The following ACAP1 variants were observed in gnomAD, a reference collection of about 807,000 sequenced individuals.
The protein encoded by ACAP1 is arf-GAP with coiled-coil, ANK repeat and PH domain-containing protein 1.
Under a neutral mutation model 98.8 loss-of-function variants are expected in ACAP1, and 45 were observed. The ratio of observed to expected loss-of-function variants is 0.46; its 90% CI spans 0.36 to 0.58. ACAP1 has a LOEUF of 0.58. ACAP1 is among the 20% of genes least tolerant of loss of function. The pLI is 0.00. For synonymous variants in ACAP1, 362 were observed against 375.3 expected, an observed-to-expected ratio of 0.96 and a Z score of 0.41; for missense variants, 735 against 971.4, an observed-to-expected ratio of 0.76 and a Z score of 3.24.
chr17:7,342,206 C>T, intron 3 of ACAP1, 69 bp from the exon 4 acceptor site: 2 of 1,608,462 alleles, frequency 1.2e-6, no homozygotes, highest in Non-Finnish European at 1.7e-6. Flanking sequence ...CCGTAGCAGG[C>T]TGGGTCTCGA....
At position 7,346,268 on chromosome 17, in the gene ACAP1, C is replaced by G; in HGVS notation, c.879C>G (p.Asn293Lys). The G allele has an allele frequency of 1.9e-6, 3 of 1,614,200 alleles. No homozygotes were observed. The highest frequency in any genetic ancestry group is 2.5e-6 in the Non-Finnish European group (3 of 1,180,032). Residue 293 changes from asparagine to lysine, a missense_variant, in exon 11 of 22, where the codon AAC (asparagine) becomes AAG (lysine). By Grantham distance (94) the Asn-to-Lys change is moderately conservative. Transcript: ENST00000158762. ...GACGCTGGTTCACCATTCAGAGCAACCAACTGGTTTACCAGAAGAAGTACA... is the reference window on the plus strand; with the variant it reads ...GACGCTGGTTCACCATTCAGAGCAAGCAACTGGTTTACCAGAAGAAGTACA... ...WSRRWFTIQS[N>K]QLVYQKKYKD...
In ACAP1 at chr17:7,343,088, A is replaced by G. The variant is rs974268661; in HGVS notation, c.345-291A>G. 2 of 334,142 alleles carry G rather than the reference A, an allele frequency of 6.0e-6. No individual in the cohort carries two copies. Among genetic ancestry groups the G allele is most frequent in the Non-Finnish European group, 1.1e-5 (2 of 182,426 alleles). The allele number at this position is 334,142 out of a possible 1,614,324, so 20.7% of individuals were successfully genotyped here. ...GAGCAAGACCCGGTCTCAAAAACAA[A>G]AACAACAACAACAACAAAAATTTTT... is the stretch of plus-strand genomic sequence containing the variant. On this transcript the variant is annotated intron_variant, in intron 5 of 21. Transcript: ENST00000158762. The surrounding 1 kb of genome is among the most constrained non-coding windows in gnomAD (Gnocchi z 4.9).
At chr17:7,349,735 C>A in intron 18 of ACAP1, 1 of 491,170 alleles carries the variant, frequency 2.0e-6, no homozygotes, top group Non-Finnish European at 3.6e-6. Flanking sequence ...AGTAACATAC[C>A]TCAAAAGCTT....
chr17:7,344,105 C>G lies in ACAP1; in HGVS notation c.726C>G (p.His242Gln). 1 of 1,580,874 alleles carries G rather than the reference C, an allele frequency of 6.3e-7. No individual in the cohort carries two copies. Among genetic ancestry groups the G allele is most frequent in the Non-Finnish European group, 8.6e-7 (1 of 1,162,888 alleles). ...AREKRDMEQR[H>Q]VLLKQKELGG... ...AGAAGAGGGACATGGAGCAGAGACA[C>G]GTGCTGCTGAAACAGAAGGTGAGGG... The change falls in exon 9 of 22, where the codon CAC becomes CAG. Residue 242 changes from histidine to glutamine, a missense_variant. Around this residue, in one of 5 missense-constraint regions of ACAP1, gnomAD observed 430 missense variants for 531.8 expected, o/e 0.81. Transcript: ENST00000158762. This position sits in a 1 kb window ranked among gnomAD's most constrained non-coding sequence, Gnocchi z 4.9.
rs569044211 is a variant in ACAP1 at position 7,350,254 on chromosome 17, G to A, written c.2072+17G>A. The A allele has an allele frequency of 2.5e-6, 4 of 1,607,774 alleles. No homozygotes were observed. The South Asian group carries it at 3.3e-5, about 13-fold the overall frequency. ...CGTCACCCTGTAAGAATGCCTGAAGGGGCGGGGCTGGCGCTGGGACTCCCC... is the reference window on the plus strand; with the variant it reads ...CGTCACCCTGTAAGAATGCCTGAAGAGGCGGGGCTGGCGCTGGGACTCCCC... On this transcript the variant is annotated intron_variant, in intron 20 of 21. Transcript: ENST00000158762. This position sits in a 1 kb window ranked among gnomAD's most constrained non-coding sequence, Gnocchi z 4.6.
In ACAP1 at chr17:7,347,802, C is replaced by T. The variant is rs2073361549; in HGVS notation, c.1344-120C>T. Reference sequence around the variant, plus strand: ...GCCGCAGCTGCCCTGCCTCCTGGGCCAGCACCTCTGCACGGGCCCCCATGC... The same window carrying T: ...GCCGCAGCTGCCCTGCCTCCTGGGCTAGCACCTCTGCACGGGCCCCCATGC... On this transcript the variant is annotated intron_variant, in intron 14 of 21. Transcript: ENST00000158762. 1.4e-5 allele frequency: 11 copies of T among 794,240 alleles called. No individual in the cohort carries two copies. In the Admixed American group the frequency reaches 2.0e-4, roughly 15 times the overall value. 49.2% of individuals were successfully genotyped at this position (794,240 alleles called of 1,614,324 possible).
chr17:7,336,634 C>T lies in ACAP1; in HGVS notation c.-101C>T, dbSNP rs2073221767. 1 of 1,303,506 alleles carries T rather than the reference C, an allele frequency of 7.7e-7. No individual in the cohort carries two copies. The allele number at this position is 1,303,506 out of a possible 1,614,324, so 80.7% of individuals were successfully genotyped here. ...CTTCCCCGCGGAGGTCCCTCTCCTC[C>T]TTCCCCCTCATCTCCCCTTCCTGGG... On this transcript the variant is annotated 5_prime_UTR_variant, in exon 1 of 22. Transcript: ENST00000158762.
chr17:7,349,702 C>A, intron 18 of ACAP1: 1 of 466,788 alleles, frequency 2.1e-6, no homozygotes, highest in Non-Finnish European at 3.8e-6. Context: ...AAGTTATTAA[C>A]CTCTCAGCCT....
intron 2 of ACAP1, 111 bp from the exon 3 acceptor site, chr17:7,341,837 G>C: frequency 6.6e-7 from 1 of 1,515,292 alleles, no homozygotes; most frequent in Non-Finnish European, 9.0e-7. Context: ...GGCCAGGCAG[G>C]AATAGGGGAG....
At chr17:7,338,923 C>T (rs1213084597) in intron 2 of ACAP1, among the ~76,000 whole-genome samples, 4 of 152,086 alleles carry the variant, frequency 2.6e-5, no homozygotes, top group African/African-American at 9.6e-5. Context: ...CACCCAGCTT[C>T]CCCCAGTGGT....
Position 7,336,729 on chromosome 17 carries a change from G to A in ACAP1, c.-6G>A, listed in dbSNP as rs773157758. ...GGCCCGCTGGCCCCACAGCAGGCAAGCTGAGATGACGGTCAAGCTGGATTT... is the reference window on the plus strand; with the variant it reads ...GGCCCGCTGGCCCCACAGCAGGCAAACTGAGATGACGGTCAAGCTGGATTT... On this transcript the variant is annotated 5_prime_UTR_variant, in exon 1 of 22. Transcript: ENST00000158762. 4 of 1,613,872 alleles carry A rather than the reference G, an allele frequency of 2.5e-6. No homozygotes were observed. Among genetic ancestry groups the A allele is most frequent in the Non-Finnish European group, 3.4e-6 (4 of 1,179,836 alleles).
Position 7,348,224 on chromosome 17 carries a change from G to A in ACAP1, c.1508+3G>A, listed in dbSNP as rs1048170618. 6.2e-7 allele frequency: 1 copy of A among 1,613,380 alleles called. No individual in the cohort carries two copies. The highest frequency in any genetic ancestry group is 8.5e-7 in the Non-Finnish European group (1 of 1,179,642). On this transcript the variant is annotated splice_donor_region_variant and intron_variant, in intron 16 of 21. Transcript: ENST00000158762. ...AAACCAGGGCCCAGCTGCTCCCGGT[G>A]AGCTTGGGGTTTAGCCTCCCAGGGG...
rs1352717190 is a variant in ACAP1, at chr17:7,344,536, C to T, written c.745-3C>T. The T allele has an allele frequency of 6.5e-7, 1 of 1,550,300 alleles. No homozygotes were observed. Among genetic ancestry groups the T allele is most frequent in the Non-Finnish European group, 8.7e-7 (1 of 1,146,402 alleles). On this transcript the variant is annotated splice_region_variant and splice_polypyrimidine_tract_variant and intron_variant, in intron 9 of 21. Coordinates refer to ENST00000158762, the MANE Select transcript of ACAP1 (RefSeq NM_014716.4). The surrounding 1 kb of genome is among the most constrained non-coding windows in gnomAD (Gnocchi z 4.9). ...TTGCCCTTTGATCCTCTTGTGCCTC[C>T]AGGAGCTGGGTGGGGAGGAGCCAGA...
At chr17:7,351,113 T>TG in intron 21 of ACAP1, 114 bp downstream of exon 21, 1 of 1,224,454 alleles carries the variant, frequency 8.2e-7, no homozygotes, top group East Asian at 2.4e-5. Flanking sequence ...ATTTAACAAA[T>TG]GCGTATTGGG....
At chr17:7,340,228 C>T (rs1011844512) in intron 2 of ACAP1, among the ~76,000 whole-genome samples, 1 of 151,894 alleles carries the variant, frequency 6.6e-6, no homozygotes, top group African/African-American at 2.4e-5. Context: ...GCTATGATCC[C>T]ACCACTGCAC....
Position 7,350,236 on chromosome 17 carries a change from C to G in ACAP1, c.2071C>G (p.Leu691Val). Residue 691 changes from leucine (L) to valine (V), a missense_variant and splice_region_variant, in exon 20 of 22, where the codon CTG (leucine) becomes GTG (valine). By Grantham distance (32) the Leu-to-Val change is conservative (BLOSUM62 1). This residue lies in a region of ACAP1 where 142 missense variants were observed against 224.1 expected (regional missense o/e 0.63). Transcript: ENST00000158762. This position sits in a 1 kb window ranked among gnomAD's most constrained non-coding sequence, Gnocchi z 4.6. Reference sequence around the variant, plus strand: ...AACAGCCAACGCTGACATCGTCACCCTGTAAGAATGCCTGAAGGGGCGGGG... The same window carrying G: ...AACAGCCAACGCTGACATCGTCACCGTGTAAGAATGCCTGAAGGGGCGGGG... ...METANADIVT[L>V]LRLAKMREAE... The G allele has an allele frequency of 6.2e-7, 1 of 1,613,488 alleles. No individual in the cohort carries two copies. Among genetic ancestry groups the G allele is most frequent in the African/African-American group, 1.3e-5 (1 of 75,040 alleles).
intron 18 of ACAP1, chr17:7,349,664 T>C (rs1006785474): frequency 5.2e-6 from 2 of 384,956 alleles, no homozygotes; most frequent in Non-Finnish European, 4.7e-6. Flanking sequence ...CGTGAGCCAC[T>C]GTGCCCGGCC....
intron 17 of ACAP1, 45 bp downstream of exon 17, chr17:7,348,520 G>A (rs113342378): frequency 0.019 from 26,791 of 1,442,058 alleles, 313 homozygotes; most frequent in Non-Finnish European, 0.023. Context: ...CTGTGTGCTC[G>A]GCATCGTGCC....
rs2073372898 is a variant in ACAP1 at position 7,348,722 on chromosome 17, T to A, written c.1678+247T>A. The A allele has an allele frequency of 1.6e-5, 9 of 578,382 alleles. No homozygotes were observed. In the South Asian group the frequency reaches 2.4e-4, roughly 16 times the overall value. 35.8% of individuals were successfully genotyped at this position (578,382 alleles called of 1,614,324 possible). On this transcript the variant is annotated intron_variant, in intron 17 of 21. Transcript: ENST00000158762. ...AAAAGGAGAGAGAGAGGGGGTGGGT[T>A]TGGCTGGAGCGTCAGGGGTTGAGAG...
Sources: gnomAD v4.1 joint callset for allele counts (sites outside exome capture counted in the v4.1 genomes callset) on GRCh38, gnomAD v4.1.1 for gene constraint, gnomAD v4.1.1 regional missense constraint, Gnocchi (gnomAD v3.1) non-coding constraint, MANE v1.5 for transcripts, NCBI Gene and HGNC (gene_info 2026-07-23, HGNC 2026-07-21) for gene names.